Variants in HASPIN observed in about 807,000 individuals in gnomAD.
The protein encoded by HASPIN is histone H3 associated protein kinase.
In HASPIN, 24 loss-of-function variants were observed where a neutral mutation model predicts 28.8. The observed-to-expected ratio is 0.83, with a 90% CI of 0.60 to 1.17. The LOEUF is 1.17. HASPIN is among the 50% of genes most tolerant of loss of function. HASPIN has a pLI of 0.00. For synonymous variants in HASPIN, 440 were observed against 413.1 expected (o/e 1.07, Z -0.79); for missense variants, 1,016 against 1,018.5 (o/e 1.00, Z 0.03).
Position 3,725,733 on chromosome 17 carries a change from TTCA to T in HASPIN, c.1800_1802del (p.Ile601del). 6.3e-7 allele frequency: 1 copy of T among 1,579,422 alleles called. No individual in the cohort carries two copies. The highest frequency in any genetic ancestry group is 8.6e-7 in the Non-Finnish European group (1 of 1,162,694). On this transcript the variant is annotated inframe_deletion, in exon 1 of 1. Transcript: ENST00000325418. ...TGATTTTTTTAAAGACGACCAGCTC[TTCA>T]TTGTGCTGGAATTTGAGTTTGGAGG...
rs746901329 is a variant in HASPIN at position 3,726,069 on chromosome 17, A to G, written c.2134A>G (p.Thr712Ala). The G allele has an allele frequency of 1.5e-5, 24 of 1,614,208 alleles. No individual in the cohort carries two copies. The highest frequency in any genetic ancestry group is 2.0e-5 in the Non-Finnish European group (24 of 1,180,040). ...CGTTTCCATGGATGAGGACCTGTTT[A>G]CCGGTGACGGTGACTACCAGTTTGA... ...CDVSMDEDLF[T>A]GDGDYQFDIY... is the part of the protein sequence containing the mutation. The change falls in exon 1 of 1, where the codon ACC (threonine) becomes GCC (alanine). Residue 712 changes from threonine (T) to alanine (A), a missense_variant. This residue lies in a region of HASPIN where 129 missense variants were observed against 156.2 expected (regional missense o/e 0.83). Transcript: ENST00000325418.
chr17:3,726,130 G>A lies in HASPIN; in HGVS notation c.2195G>A (p.Arg732His), dbSNP rs759855867. ...YRLMKKENNN[R>H]WGEYHPYSNV... ...CTCATGAAGAAGGAGAATAACAACC[G>A]CTGGGGTGAATATCACCCTTATAGT... The change falls in exon 1 of 1, where the codon CGC becomes CAC. Residue 732 changes from arginine (R) to histidine (H), a missense_variant. By Grantham distance (29) the Arg-to-His change is conservative (BLOSUM62 0). Transcript: ENST00000325418. 6.2e-6 allele frequency: 10 copies of A among 1,614,142 alleles called. No individual in the cohort carries two copies. Among genetic ancestry groups the A allele is most frequent in the Admixed American group, 3.3e-5 (2 of 60,008 alleles).
In HASPIN at chr17:3,723,906, T is replaced by A; in HGVS notation, c.-30T>A. On this transcript the variant is annotated 5_prime_UTR_variant, in exon 1 of 1. Coordinates refer to ENST00000325418, the MANE Select transcript of HASPIN (RefSeq NM_031965.2). Reference sequence around the variant, plus strand: ...CGTCGCACGGAAGTCTCGCGATGTTTGCGTTTGAACCTCTTGGCGGGTGCC... The same window carrying A: ...CGTCGCACGGAAGTCTCGCGATGTTAGCGTTTGAACCTCTTGGCGGGTGCC... 1 of 1,535,210 alleles carries A rather than the reference T, an allele frequency of 6.5e-7. No homozygotes were observed. The highest frequency in any genetic ancestry group is 8.7e-7 in the Non-Finnish European group (1 of 1,143,376).
chr17:3,726,322 T>C lies in HASPIN; in HGVS notation c.2387T>C (p.Leu796Pro). The change falls in exon 1 of 1, where the codon CTG becomes CCG. Residue 796 changes from leucine to proline, a missense_variant. Physicochemically the swap from Leu to Pro is moderately conservative, Grantham distance 98 (BLOSUM62 -3). Coordinates refer to ENST00000325418, the MANE Select transcript of HASPIN (RefSeq NM_031965.2). Reference sequence around the variant, plus strand: ...ACTGACTTGCTCTGCCAGCACAGTCTGTTTAAGTAAGCTAAATGTATCTTA... The same window carrying C: ...ACTGACTTGCTCTGCCAGCACAGTCCGTTTAAGTAAGCTAAATGTATCTTA... ...SATDLLCQHS[L>P]FK The C allele has an allele frequency of 2.5e-6, 4 of 1,607,526 alleles. No homozygotes were observed. The Middle Eastern group carries it at 5.0e-4, about 200-fold the overall frequency.
Position 3,724,724 on chromosome 17 carries a change from G to A in HASPIN, c.789G>A (p.Gly263=), listed in dbSNP as rs775400270. 3.1e-6 allele frequency: 5 copies of A among 1,614,136 alleles called. No homozygotes were observed. The highest frequency in any genetic ancestry group is 2.7e-5 in the African/African-American group (2 of 74,962). ...TPEDSEFRAD[G]KNMRESCCKR... ...AGGATTCTGAGTTTCGGGCAGATGG[G>A]AAGAATATGAGAGAGTCCTGCTGTA... Residue 263 remains glycine (G), a synonymous_variant, in exon 1 of 1, where the codon GGG becomes GGA. Coordinates refer to ENST00000325418, the MANE Select transcript of HASPIN (RefSeq NM_031965.2).
rs889416372 is a variant in HASPIN, at chr17:3,724,281, C to T, written c.346C>T (p.Leu116=). The part of the protein sequence containing the change: ...RPSLTVTPRR[L]GLRARPPQKC... ...AAGCCTAACCGTGACCCCAAGACGCCTGGGGCTGCGAGCTCGGCCCCCGCA... is the reference window on the plus strand; with the variant it reads ...AAGCCTAACCGTGACCCCAAGACGCTTGGGGCTGCGAGCTCGGCCCCCGCA... The change falls in exon 1 of 1, where the codon CTG becomes TTG. Residue 116 remains leucine (L), a synonymous_variant. Transcript: ENST00000325418. 5 of 1,588,662 alleles carry T rather than the reference C, an allele frequency of 3.1e-6. No homozygotes were observed. The African/African-American group carries it at 6.7e-5, about 21-fold the overall frequency.
chr17:3,725,919 C>T lies in HASPIN; in HGVS notation c.1984C>T (p.Leu662Phe), dbSNP rs2051200081. ...GAACGTGCTCTTAAAGAAAACCAGC[C>T]TCAAAAAACTCCACTACACCCTCAA... ...WGNVLLKKTS[L>F]KKLHYTLNGK... is the part of the protein sequence containing the mutation. The change falls in exon 1 of 1, where the codon CTC becomes TTC. Residue 662 changes from leucine to phenylalanine, a missense_variant. This residue lies in a region of HASPIN where 6 missense variants were observed against 16.9 expected (regional missense o/e 0.36). Coordinates refer to ENST00000325418, the MANE Select transcript of HASPIN (RefSeq NM_031965.2). The T allele has an allele frequency of 6.2e-7, 1 of 1,613,510 alleles. No homozygotes were observed. The highest frequency in any genetic ancestry group is 8.5e-7 in the Non-Finnish European group (1 of 1,179,994).
chr17:3,723,931 C>G lies in HASPIN; in HGVS notation c.-5C>G, dbSNP rs751271921. 3.9e-6 allele frequency: 6 copies of G among 1,541,670 alleles called. No homozygotes were observed. The highest frequency in any genetic ancestry group is 2.4e-5 in the South Asian group (2 of 81,854). On this transcript the variant is annotated 5_prime_UTR_variant, in exon 1 of 1. Transcript: ENST00000325418. The stretch of plus-strand genomic sequence containing the variant: ...TGCGTTTGAACCTCTTGGCGGGTGC[C>G]GGCCATGGCGGCTTCGCTCCCGGGA...
In HASPIN at chr17:3,726,379, A is replaced by T; in HGVS notation, c.*47A>T. The T allele has an allele frequency of 7.4e-7, 1 of 1,348,258 alleles. No individual in the cohort carries two copies. The highest frequency in any genetic ancestry group is 1.4e-5 in the African/African-American group (1 of 69,030). The allele number at this position is 1,348,258 out of a possible 1,614,324, so 83.5% of individuals were successfully genotyped here. On this transcript the variant is annotated 3_prime_UTR_variant, in exon 1 of 1. Coordinates refer to ENST00000325418, the MANE Select transcript of HASPIN (RefSeq NM_031965.2). ...CGAAATGAGAGGAGACTGGTCTTGA[A>T]GCCTCTGGTGCTGTTTCAACCTCCA... is the stretch of plus-strand genomic sequence containing the variant.
chr17:3,725,509 A>G lies in HASPIN; in HGVS notation c.1574A>G (p.His525Arg). The part of the protein sequence containing the change: ...IEGPDLVNGS[H>R]QKTFEEILPE... ...GGACCAGATTTAGTCAATGGATCCC[A>G]TCAGAAAACCTTTGAGGAAATCCTG... is the stretch of plus-strand genomic sequence containing the variant. Residue 525 changes from histidine (H) to arginine (R), a missense_variant, in exon 1 of 1, where the codon CAT (histidine) becomes CGT (arginine). His to Arg is a conservative substitution (Grantham distance 29). Transcript: ENST00000325418. The G allele has an allele frequency of 1.2e-6, 2 of 1,614,236 alleles. No individual in the cohort carries two copies. The highest frequency in any genetic ancestry group is 1.7e-6 in the Non-Finnish European group (2 of 1,180,040).
chr17:3,724,379 G>A lies in HASPIN; in HGVS notation c.444G>A (p.Pro148=). The change falls in exon 1 of 1, where the codon CCG becomes CCA. Residue 148 remains proline (P), a synonymous_variant. Coordinates refer to ENST00000325418, the MANE Select transcript of HASPIN (RefSeq NM_031965.2). ...FPSRDSGRLS[P]DLSVCGQPRD... is the part of the protein sequence containing the mutation. Reference sequence around the variant, plus strand: ...GCCGCGACTCCGGCCGCCTCAGCCCGGACCTCAGCGTGTGCGGCCAGCCCA... The same window carrying A: ...GCCGCGACTCCGGCCGCCTCAGCCCAGACCTCAGCGTGTGCGGCCAGCCCA... The A allele has an allele frequency of 6.2e-7, 1 of 1,608,422 alleles. No homozygotes were observed. The highest frequency in any genetic ancestry group is 8.5e-7 in the Non-Finnish European group (1 of 1,178,794).
chr17:3,725,148 A>C lies in HASPIN; in HGVS notation c.1213A>C (p.Ile405Leu). The change falls in exon 1 of 1, where the codon ATC becomes CTC. Residue 405 changes from isoleucine (I) to leucine (L), a missense_variant. Physicochemically the swap from Ile to Leu is conservative, Grantham distance 5. This residue lies in a region of HASPIN where 881 missense variants were observed against 845.5 expected (regional missense o/e 1.04). Coordinates refer to ENST00000325418, the MANE Select transcript of HASPIN (RefSeq NM_031965.2). ...IVTDVSEVCSIYTTATSLSGS... is the reference protein window; with the variant it reads ...IVTDVSEVCSLYTTATSLSGS... ...GACTGATGTGTCAGAGGTCTGCAGC[A>C]TCTATACCACTGCCACTTCTCTCTC... 1 of 1,614,186 alleles carries C rather than the reference A, an allele frequency of 6.2e-7. No homozygotes were observed. Among genetic ancestry groups the C allele is most frequent in the Non-Finnish European group, 8.5e-7 (1 of 1,180,026 alleles).
Position 3,723,925 on chromosome 17 carries a change from G to A in HASPIN, c.-11G>A, listed in dbSNP as rs540000491. The A allele has an allele frequency of 1.4e-5, 21 of 1,543,990 alleles. No homozygotes were observed. In the East Asian group the frequency reaches 4.2e-4, roughly 31 times the overall value. The stretch of plus-strand genomic sequence containing the variant: ...GATGTTTGCGTTTGAACCTCTTGGC[G>A]GGTGCCGGCCATGGCGGCTTCGCTC... On this transcript the variant is annotated 5_prime_UTR_variant, in exon 1 of 1. Transcript: ENST00000325418.
In HASPIN at chr17:3,724,910, A is replaced by C. The variant is rs549331436; in HGVS notation, c.975A>C (p.Pro325=). The C allele has an allele frequency of 1.4e-5, 22 of 1,613,676 alleles. No homozygotes were observed. The South Asian group carries it at 2.0e-4, about 15-fold the overall frequency. Residue 325 remains proline, a synonymous_variant, in exon 1 of 1, where the codon CCA becomes CCC. Coordinates refer to ENST00000325418, the MANE Select transcript of HASPIN (RefSeq NM_031965.2). The part of the protein sequence containing the change: ...EASVPKGRIV[P]RGIDRLERTR... ...GTGTTCCCAAGGGCCGCATTGTGCC[A>C]AGGGGAATAGACAGGCTGGAGAGAA...
rs1440121592 is a variant in HASPIN, at chr17:3,726,089, G to T, written c.2154G>T (p.Gln718His). The stretch of plus-strand genomic sequence containing the variant: ...TGTTTACCGGTGACGGTGACTACCA[G>T]TTTGACATCTACAGGCTCATGAAGA... ...EDLFTGDGDY[Q>H]FDIYRLMKKE... Residue 718 changes from glutamine (Q) to histidine (H), a missense_variant, in exon 1 of 1, where the codon CAG (glutamine) becomes CAT (histidine). Physicochemically the swap from Gln to His is conservative, Grantham distance 24. This residue lies in a region of HASPIN where 129 missense variants were observed against 156.2 expected (regional missense o/e 0.83). Transcript: ENST00000325418. 1.2e-6 allele frequency: 2 copies of T among 1,614,074 alleles called. No homozygotes were observed. Among genetic ancestry groups the T allele is most frequent in the Non-Finnish European group, 1.7e-6 (2 of 1,180,046 alleles).
At position 3,725,425 on chromosome 17, in the gene HASPIN, A is replaced by C; in HGVS notation, c.1490A>C (p.Glu497Ala). The C allele has an allele frequency of 6.2e-7, 1 of 1,614,230 alleles. No individual in the cohort carries two copies. Among genetic ancestry groups the C allele is most frequent in the Middle Eastern group, 1.6e-4 (1 of 6,062 alleles). Residue 497 changes from glutamate (E) to alanine (A), a missense_variant, in exon 1 of 1, where the codon GAA becomes GCA. Coordinates refer to ENST00000325418, the MANE Select transcript of HASPIN (RefSeq NM_031965.2). ...AAGATTGGGGAAGGGGTGTTTGGCG[A>C]AGTGTTTCAAACAATTGCTGATCAC... ...CEKIGEGVFG[E>A]VFQTIADHTP...
chr17:3,726,564 G>T lies in HASPIN; in HGVS notation c.*232G>T, dbSNP rs747992188. 24 of 512,084 alleles carry T rather than the reference G, an allele frequency of 4.7e-5. No individual in the cohort carries two copies. The highest frequency in any genetic ancestry group is 7.0e-5 in the Non-Finnish European group (20 of 287,630). The allele number at this position is 512,084 out of a possible 1,614,324, so 31.7% of individuals were successfully genotyped here. ...GTAAACTAGCCGGGCACAGTGGCGT[G>T]CGCCTGTAGTCCCAGCTACTCGGGA... On this transcript the variant is annotated 3_prime_UTR_variant, in exon 1 of 1. Coordinates refer to ENST00000325418, the MANE Select transcript of HASPIN (RefSeq NM_031965.2).
Position 3,724,249 on chromosome 17 carries a change from C to T in HASPIN, c.314C>T (p.Ala105Val). Residue 105 changes from alanine to valine, a missense_variant, in exon 1 of 1, where the codon GCT (alanine) becomes GTT (valine). Physicochemically the swap from Ala to Val is moderately conservative, Grantham distance 64. Coordinates refer to ENST00000325418, the MANE Select transcript of HASPIN (RefSeq NM_031965.2). Reference protein sequence around the residue: ...TVTPKRWKLRARPSLTVTPRR... With the variant: ...TVTPKRWKLRVRPSLTVTPRR... Reference sequence around the variant, plus strand: ...ACCCCAAAGCGCTGGAAGCTGCGAGCTCGCCCAAGCCTAACCGTGACCCCA... The same window carrying T: ...ACCCCAAAGCGCTGGAAGCTGCGAGTTCGCCCAAGCCTAACCGTGACCCCA... The T allele has an allele frequency of 1.3e-6, 2 of 1,592,720 alleles. No homozygotes were observed. The highest frequency in any genetic ancestry group is 1.7e-6 in the Non-Finnish European group (2 of 1,176,938).
chr17:3,726,543 A>C lies in HASPIN; in HGVS notation c.*211A>C. 1.8e-6 allele frequency: 1 copy of C among 562,268 alleles called. No individual in the cohort carries two copies. Among genetic ancestry groups the C allele is most frequent in the South Asian group, 2.5e-5 (1 of 39,698 alleles). The allele number at this position is 562,268 out of a possible 1,614,324, so 34.8% of individuals were successfully genotyped here. ...ATAACAAATGTTCTGAAAGAAGTAA[A>C]CTAGCCGGGCACAGTGGCGTGCGCC... On this transcript the variant is annotated 3_prime_UTR_variant, in exon 1 of 1. Transcript: ENST00000325418.
Sources: allele counts gnomAD v4.1 joint callset, GRCh38; gene constraint gnomAD v4.1.1; regional missense constraint gnomAD v4.1.1; transcripts MANE v1.5; gene names NCBI Gene and HGNC (gene_info 2026-07-23, HGNC 2026-07-21).